NXPH1: variants seen among roughly 807,000 people sequenced by gnomAD.
NXPH1 encodes neurexophilin-1.
NXPH1 carries 5 observed loss-of-function variants against 23.7 expected under a neutral mutation model. The ratio of observed to expected loss-of-function variants is 0.21; its 90% CI spans 0.11 to 0.44. The LOEUF (loss-of-function observed/expected upper bound fraction) is 0.44. Among genes scored for constraint, NXPH1 ranks in the 20% least tolerant of loss-of-function variants. NXPH1 has a pLI of 0.99. For missense variants in NXPH1, 324 were observed against 321.6 expected, an observed-to-expected ratio of 1.01 and a Z score of -0.06; for synonymous variants, 144 against 122.2, an observed-to-expected ratio of 1.18 and a Z score of -1.18.
intron 2 of NXPH1, among the ~76,000 whole-genome samples, chr7:8,590,442 A>C (rs1366570556): frequency 6.6e-6 from 1 of 152,044 alleles, no homozygotes; most frequent in African/African-American, 2.4e-5. Context: ...CTCCAAGGAC[A>C]TGCTAACTTT....
chr7:8,560,737 A>G (rs1304180504), intron 2 of NXPH1, among the ~76,000 whole-genome samples: 1 of 151,562 alleles, frequency 6.6e-6, no homozygotes, highest in African/African-American at 2.4e-5. Context: ...AGAGTTGTTG[A>G]ATTATGTGCA....
chr7:8,732,722 A>G (rs930869529), intron 2 of NXPH1, among the ~76,000 whole-genome samples: 1 of 152,154 alleles, frequency 6.6e-6, no homozygotes, highest in Non-Finnish European at 1.5e-5. Flanking sequence ...AAAATGTAAT[A>G]TAAAATATAA....
intron 2 of NXPH1, among the ~76,000 whole-genome samples, chr7:8,729,696 T>TGCA (rs1436515730): frequency 3.4e-5 from 5 of 148,966 alleles, no homozygotes; most frequent in African/African-American, 1.2e-4. Context: ...TGCACTGTGG[T>TGCA]CTGAGAGATA....
chr7:8,453,366 G>A (rs1473397425), intron 2 of NXPH1, among the ~76,000 whole-genome samples: 3 of 152,042 alleles, frequency 2.0e-5, no homozygotes, highest in Non-Finnish European at 4.4e-5. Flanking sequence ...CATCAAACAT[G>A]CACAATCACC....
chr7:8,745,578 G>C (rs1026639483), intron 2 of NXPH1, among the ~76,000 whole-genome samples: 3 of 152,104 alleles, frequency 2.0e-5, no homozygotes, highest in Non-Finnish European at 4.4e-5. Context: ...CCCCGAAACA[G>C]AGTCTTGCTC....
intron 2 of NXPH1, among the ~76,000 whole-genome samples, chr7:8,482,968 A>G (rs764527711): frequency 6.6e-6 from 1 of 152,208 alleles, no homozygotes; most frequent in African/African-American, 2.4e-5. Context: ...CTCTAAATAC[A>G]TTACATTTTG....
chr7:8,526,914 C>T (rs1002315679), intron 2 of NXPH1, among the ~76,000 whole-genome samples: 1 of 152,146 alleles, frequency 6.6e-6, no homozygotes, highest in Non-Finnish European at 1.5e-5. Context: ...CGTGCATAAA[C>T]TTCTGTTTCT....
At chr7:8,535,008 A>C (rs1310818518) in intron 2 of NXPH1, among the ~76,000 whole-genome samples, 1 of 151,984 alleles carries the variant, frequency 6.6e-6, no homozygotes, top group Non-Finnish European at 1.5e-5. Context: ...CTTTGTTTAC[A>C]TATCATTTAA....
chr7:8,616,322 C>T (rs532338080), intron 2 of NXPH1, among the ~76,000 whole-genome samples: 1 of 152,168 alleles, frequency 6.6e-6, no homozygotes. Context: ...TATCAGTGAG[C>T]TCTTCCCTGA....
At position 8,435,726 on chromosome 7, in the gene NXPH1, T is replaced by C; in HGVS notation, c.13T>C (p.Cys5Arg). 3 of 1,613,950 alleles carry C rather than the reference T, an allele frequency of 1.9e-6. No individual in the cohort carries two copies. The highest frequency in any genetic ancestry group is 2.5e-6 in the Non-Finnish European group (3 of 1,179,870). The change falls in exon 2 of 3, where the codon TGC becomes CGC. Residue 5 changes from cysteine (C) to arginine (R), a missense_variant. Cys to Arg is a radical substitution (Grantham distance 180, BLOSUM62 -3). Coordinates refer to ENST00000405863, the MANE Select transcript of NXPH1 (RefSeq NM_152745.3). This position sits in a 1 kb window ranked among gnomAD's most constrained non-coding sequence, Gnocchi z 5.9. Reference protein sequence around the residue: MQAACWYVLFLLQPT... With the variant: MQAARWYVLFLLQPT... ...GAGACGCGGGAGAATGCAGGCTGCGTGCTGGTACGTGCTTTTCCTCCTGCA... is the reference window on the plus strand; with the variant it reads ...GAGACGCGGGAGAATGCAGGCTGCGCGCTGGTACGTGCTTTTCCTCCTGCA...
At chr7:8,692,384 C>G (rs1821235764) in intron 2 of NXPH1, among the ~76,000 whole-genome samples, 1 of 152,082 alleles carries the variant, frequency 6.6e-6, no homozygotes, top group Non-Finnish European at 1.5e-5. Context: ...GTAGTGGTGA[C>G]AGCACTGGAG....
intron 2 of NXPH1, among the ~76,000 whole-genome samples, chr7:8,497,322 A>G (rs989713769): frequency 1.3e-5 from 2 of 152,188 alleles, no homozygotes; most frequent in African/African-American, 4.8e-5. Flanking sequence ...CAATAAACAT[A>G]CGTGTACATG....
intron 2 of NXPH1, among the ~76,000 whole-genome samples, chr7:8,566,850 TA>T (rs201584479): frequency 1.4e-5 from 2 of 140,388 alleles, no homozygotes; most frequent in Non-Finnish European, 3.1e-5. Flanking sequence ...TATTCATTCA[TA>T]TTTTTTTTCT....
intron 2 of NXPH1, among the ~76,000 whole-genome samples, chr7:8,609,775 T>C (rs1819576448): frequency 6.6e-6 from 1 of 152,194 alleles, no homozygotes; most frequent in Admixed American, 6.5e-5. Flanking sequence ...GCTATTTTTG[T>C]CTATTAATTT....
At chr7:8,664,227 C>G (rs748389300) in intron 2 of NXPH1, among the ~76,000 whole-genome samples, 1 of 152,084 alleles carries the variant, frequency 6.6e-6, no homozygotes, top group Non-Finnish European at 1.5e-5. Flanking sequence ...TTTTAATTCT[C>G]TTTGCCTAGC....
intron 2 of NXPH1, among the ~76,000 whole-genome samples, chr7:8,478,597 A>G (rs1817016442): frequency 6.6e-6 from 1 of 152,048 alleles, no homozygotes; most frequent in African/African-American, 2.4e-5. Flanking sequence ...TAAAACCATA[A>G]TTCAAGAAAA....
At chr7:8,559,348 C>T (rs931761261) in intron 2 of NXPH1, among the ~76,000 whole-genome samples, 1 of 151,680 alleles carries the variant, frequency 6.6e-6, no homozygotes, top group Non-Finnish European at 1.5e-5. Flanking sequence ...TGTCACCTCC[C>T]GAGTGTCTTA....
At chr7:8,662,112 G>A (rs1297010608) in intron 2 of NXPH1, among the ~76,000 whole-genome samples, 3 of 151,386 alleles carry the variant, frequency 2.0e-5, no homozygotes, top group Non-Finnish European at 4.4e-5. Context: ...AAATGCTTTG[G>A]CTCACATTTC....
rs77867997 is a variant in NXPH1 at position 8,454,054 on chromosome 7, A to T, written c.54+18287A>T. On this transcript the variant is annotated intron_variant, in intron 2 of 2. Coordinates refer to ENST00000405863, the MANE Select transcript of NXPH1 (RefSeq NM_152745.3). Reference sequence around the variant, plus strand: ...AGCTAAATGATGAGAACACATGGACATATCCAGGAGAACAACACACACTGG... The same window carrying T: ...AGCTAAATGATGAGAACACATGGACTTATCCAGGAGAACAACACACACTGG... 1.1e-4 allele frequency among the ~76,000 whole-genome samples: 16 copies of T among 151,642 alleles called. No homozygotes were observed. In the East Asian group the frequency reaches 2.5e-3, roughly 24 times the overall value.
Sources: allele counts gnomAD v4.1 joint callset (sites outside exome capture counted in the v4.1 genomes callset), GRCh38; gene constraint gnomAD v4.1.1; non-coding constraint Gnocchi (gnomAD v3.1); transcripts MANE v1.5; gene names NCBI Gene and HGNC (gene_info 2026-07-23, HGNC 2026-07-21).